The following SAMD9 variants were observed in gnomAD, a reference collection of about 807,000 sequenced individuals.
SAMD9 encodes sterile alpha motif domain containing 9.
SAMD9 carries 3 observed loss-of-function variants against 1.5 expected under a neutral mutation model. That is an observed-to-expected ratio of 2.05 (90% confidence interval 0.93 to 5.29). The LOEUF (loss-of-function observed/expected upper bound fraction) is 5.29, where lower values mean the gene tolerates loss of function less well. SAMD9 is among the 30% of genes most tolerant of loss of function. SAMD9 has a pLI of 0.02. For missense variants in SAMD9, 1,597 were observed against 1,820.8 expected, an observed-to-expected ratio of 0.88 and a Z score of 2.24; for synonymous variants, 635 against 631.9, an observed-to-expected ratio of 1.00 and a Z score of -0.07.
chr7:93,104,476 A>G lies in SAMD9; in HGVS notation c.1622T>C (p.Val541Ala), dbSNP rs1791595831. Residue 541 changes from valine to alanine, a missense_variant, in exon 3 of 3, where the codon GTG becomes GCG. Physicochemically the swap from Val to Ala is moderately conservative, Grantham distance 64. This residue lies in a region of SAMD9 where 358 missense variants were observed against 460.4 expected (regional missense o/e 0.78). Transcript: ENST00000379958. ...EDIMPRGKFL[V>A]VFLLLSSVDD... ...CACAGAGGACAGTAATAGAAATACC[A>G]CCAAAAACTTCCCTCTTGGCATTAT... The G allele has an allele frequency of 1.2e-6, 2 of 1,614,032 alleles. No individual in the cohort carries two copies. Among genetic ancestry groups the G allele is most frequent in the Non-Finnish European group, 1.7e-6 (2 of 1,179,904 alleles).
chr7:93,112,986 G>T (rs906188652), intron 2 of SAMD9, among the ~76,000 whole-genome samples: 1 of 152,118 alleles, frequency 6.6e-6, no homozygotes, highest in African/African-American at 2.4e-5. Flanking sequence ...AAAAGAGCCC[G>T]CGTTGCCAAG....
rs1562775991 is a variant in SAMD9 at position 93,105,251 on chromosome 7, ACTT to A, written c.844_846del (p.Lys282del). The A allele has an allele frequency of 1.9e-6, 3 of 1,613,902 alleles. No individual in the cohort carries two copies. Among genetic ancestry groups the A allele is most frequent in the Admixed American group, 1.7e-5 (1 of 59,982 alleles). The stretch of plus-strand genomic sequence containing the variant: ...TCCACAAATCTTGGCTCTCGAATGC[ACTT>A]CTTTGCTTGTTGGACTTGATGGTCT... On this transcript the variant is annotated inframe_deletion, in exon 3 of 3. Coordinates refer to ENST00000379958, the MANE Select transcript of SAMD9 (RefSeq NM_017654.4).
In SAMD9 at chr7:93,101,406, G is replaced by T. The variant is rs760895283; in HGVS notation, c.4692C>A (p.Gly1564=). The change falls in exon 3 of 3, where the codon GGC becomes GGA. Residue 1564 remains glycine, a synonymous_variant. Coordinates refer to ENST00000379958, the MANE Select transcript of SAMD9 (RefSeq NM_017654.4). ...TPAFLGQLRS[G]RSIEKVSFYL... ...AAAAAGACACCTTCTCTATGCTTCT[G>T]CCACTTCTAAGTTGACCTAAAAAAG... 1.1e-5 allele frequency: 17 copies of T among 1,613,592 alleles called. No individual in the cohort carries two copies. The highest frequency in any genetic ancestry group is 1.4e-5 in the Non-Finnish European group (16 of 1,179,718).
At chr7:93,113,906 C>G (rs1007506936) in intron 2 of SAMD9, among the ~76,000 whole-genome samples, 1 of 152,142 alleles carries the variant, frequency 6.6e-6, no homozygotes, top group Non-Finnish European at 1.5e-5. Flanking sequence ...CCTCAAGGAT[C>G]TAGAACTAGA....
intron 2 of SAMD9, among the ~76,000 whole-genome samples, chr7:93,111,958 A>T (rs1397382031): frequency 2.0e-5 from 3 of 152,244 alleles, no homozygotes; most frequent in Non-Finnish European, 4.4e-5. Context: ...AACTCATTTT[A>T]TGAGGCCAAC....
At position 93,105,107 on chromosome 7, in the gene SAMD9, T is replaced by A; in HGVS notation, c.991A>T (p.Lys331Ter). 1.2e-6 allele frequency: 2 copies of A among 1,613,922 alleles called. No homozygotes were observed. The highest frequency in any genetic ancestry group is 1.7e-6 in the Non-Finnish European group (2 of 1,179,916). The change falls in exon 3 of 3, where the codon AAA becomes TAA. Residue 331 changes from lysine to a stop codon, truncating the protein, a stop_gained. Coordinates refer to ENST00000379958, the MANE Select transcript of SAMD9 (RefSeq NM_017654.4). LOFTEE classifies it low-confidence loss of function (END_TRUNC). ...AATTTTTTACTTTGTTCCCATATTT[T>A]GTTGTTGTAATTTTGCATTTTAATC... The part of the protein sequence containing the change: ...FQIKMQNYNN[K>*]IWEQSKKFSL...
rs1242483265 is a variant in SAMD9, at chr7:93,100,012, T to C, written c.*1316A>G. 2 of 152,218 alleles carry C rather than the reference T, an allele frequency of 1.3e-5. No individual in the cohort carries two copies. The highest frequency in any genetic ancestry group is 3.8e-4 in the East Asian group (2 of 5,200). The allele number at this position is 152,218 out of a possible 1,614,324, so 9.4% of individuals were successfully genotyped here. On this transcript the variant is annotated 3_prime_UTR_variant, in exon 3 of 3. Coordinates refer to ENST00000379958, the MANE Select transcript of SAMD9 (RefSeq NM_017654.4). ...TTTCTGATTGCCTAATAATTGATTT[T>C]AGATTTTGCTCAAATTAGGATCTAA...
rs780992178 is a variant in SAMD9, at chr7:93,101,461, T to C, written c.4637A>G (p.Asn1546Ser). ...NNCLYIEYGINEKITIPITPA... is the reference protein window; with the variant it reads ...NNCLYIEYGISEKITIPITPA... ...AGTGATGGGTATTGTGATTTTTTCA[T>C]TGATTCCATATTCTATATATAAACA... The change falls in exon 3 of 3, where the codon AAT becomes AGT. Residue 1546 changes from asparagine (N) to serine (S), a missense_variant. By Grantham distance (46) the Asn-to-Ser change is conservative. Coordinates refer to ENST00000379958, the MANE Select transcript of SAMD9 (RefSeq NM_017654.4). The C allele has an allele frequency of 4.3e-6, 7 of 1,613,806 alleles. No individual in the cohort carries two copies. Among genetic ancestry groups the C allele is most frequent in the Non-Finnish European group, 5.9e-6 (7 of 1,179,730 alleles).
intron 2 of SAMD9, among the ~76,000 whole-genome samples, chr7:93,112,407 G>A (rs997292235): frequency 3.9e-5 from 6 of 152,198 alleles, no homozygotes; most frequent in Non-Finnish European, 5.9e-5. Flanking sequence ...AGACAGGGAT[G>A]CCCTTTCTCA....
chr7:93,104,676 G>T lies in SAMD9; in HGVS notation c.1422C>A (p.Thr474=). The change falls in exon 3 of 3, where the codon ACC becomes ACA. Residue 474 remains threonine, a synonymous_variant. Coordinates refer to ENST00000379958, the MANE Select transcript of SAMD9 (RefSeq NM_017654.4). The stretch of plus-strand genomic sequence containing the variant: ...GAGTAGAAATCGTCTCATTTGGTGT[G>T]GTTTTCTGTTCTACATATACACTTG... ...HFPSVYVEQK[T]TPNETISTLN... is the part of the protein sequence containing the mutation. The T allele has an allele frequency of 6.2e-7, 1 of 1,613,974 alleles. No individual in the cohort carries two copies. Among genetic ancestry groups the T allele is most frequent in the Non-Finnish European group, 8.5e-7 (1 of 1,179,922 alleles).
Position 93,103,527 on chromosome 7 carries a change from G to A in SAMD9, c.2571C>T (p.Leu857=). The A allele has an allele frequency of 2.5e-6, 4 of 1,613,718 alleles. No homozygotes were observed. The highest frequency in any genetic ancestry group is 2.5e-6 in the Non-Finnish European group (3 of 1,179,750). The change falls in exon 3 of 3, where the codon CTC becomes CTT. Residue 857 remains leucine, a synonymous_variant. Coordinates refer to ENST00000379958, the MANE Select transcript of SAMD9 (RefSeq NM_017654.4). ...CAAAAGCTCTCTGTTCTTTGGGAGA[G>A]AGTTGCTGTATTACGGCAATACTGT... ...IPDSIAVIQQ[L]SPKEQRAFEL... is the part of the protein sequence containing the mutation.
intron 2 of SAMD9, among the ~76,000 whole-genome samples, chr7:93,107,186 G>T (rs970956571): frequency 6.6e-6 from 1 of 151,894 alleles, no homozygotes; most frequent in Non-Finnish European, 1.5e-5. Context: ...GATTACAGGC[G>T]TGAGTCACCA....
In SAMD9 at chr7:93,104,707, T is replaced by G; in HGVS notation, c.1391A>C (p.His464Pro). Residue 464 changes from histidine to proline, a missense_variant, in exon 3 of 3, where the codon CAC (histidine) becomes CCC (proline). His to Pro is a moderately conservative substitution (Grantham distance 77). This residue lies in a region of SAMD9 where 358 missense variants were observed against 460.4 expected (regional missense o/e 0.78). Transcript: ENST00000379958. ...AYKESRVANL[H>P]FPSVYVEQKT... ...CTGTTCTACATATACACTTGGAAAGTGAAGGTTTGCTACTCGGCTTTCTTT... is the reference window on the plus strand; with the variant it reads ...CTGTTCTACATATACACTTGGAAAGGGAAGGTTTGCTACTCGGCTTTCTTT... 2 of 1,614,040 alleles carry G rather than the reference T, an allele frequency of 1.2e-6. No individual in the cohort carries two copies. Among genetic ancestry groups the G allele is most frequent in the Non-Finnish European group, 1.7e-6 (2 of 1,179,932 alleles).
rs1791600442 is a variant in SAMD9, at chr7:93,104,725, C to A, written c.1373G>T (p.Ser458Ile). 1 of 1,613,996 alleles carries A rather than the reference C, an allele frequency of 6.2e-7. No homozygotes were observed. The highest frequency in any genetic ancestry group is 1.3e-5 in the African/African-American group (1 of 75,054). The change falls in exon 3 of 3, where the codon AGC becomes ATC. Residue 458 changes from serine (S) to isoleucine (I), a missense_variant. Coordinates refer to ENST00000379958, the MANE Select transcript of SAMD9 (RefSeq NM_017654.4). ...TGGAAAGTGAAGGTTTGCTACTCGG[C>A]TTTCTTTGTAAGCTTTGACCACTCC... Reference protein sequence around the residue: ...INGVVKAYKESRVANLHFPSV... With the variant: ...INGVVKAYKEIRVANLHFPSV...
intron 2 of SAMD9, among the ~76,000 whole-genome samples, chr7:93,113,399 G>A (rs1192577545): frequency 6.6e-6 from 1 of 152,168 alleles, no homozygotes; most frequent in Non-Finnish European, 1.5e-5. Flanking sequence ...CATGGGCAAG[G>A]ACTTCATGAC....
intron 1 of SAMD9, 23 bp from the exon 2 acceptor site, chr7:93,114,918 T>G (rs1332460869): frequency 1.3e-5 from 2 of 152,336 alleles, no homozygotes; most frequent in East Asian, 3.9e-4. Flanking sequence ...AAAACTCATA[T>G]TTTTAAGTAA....
intron 2 of SAMD9, among the ~76,000 whole-genome samples, chr7:93,107,224 T>G (rs1327890257): frequency 1.3e-5 from 2 of 152,032 alleles, no homozygotes; most frequent in Non-Finnish European, 2.9e-5. Context: ...TTATTTTAAT[T>G]GATTTTTAAA....
rs747041511 is a variant in SAMD9, at chr7:93,105,224, C to T, written c.874G>A (p.Val292Ile). 1.9e-6 allele frequency: 3 copies of T among 1,613,920 alleles called. No homozygotes were observed. In the Admixed American group the frequency reaches 5.0e-5, roughly 27 times the overall value. Residue 292 changes from valine to isoleucine, a missense_variant, in exon 3 of 3, where the codon GTT (valine) becomes ATT (isoleucine). Val to Ile is a conservative substitution (Grantham distance 29). Around this residue, in one of 6 missense-constraint regions of SAMD9, gnomAD observed 498 missense variants for 457.4 expected, o/e 1.09. Coordinates refer to ENST00000379958, the MANE Select transcript of SAMD9 (RefSeq NM_017654.4). ...KCIREPRFVE[V>I]LLPNSTLSDR... is the part of the protein sequence containing the mutation. ...GATAGAGTACTATTTGGCAGTAAAA[C>T]TTCCACAAATCTTGGCTCTCGAATG...
chr7:93,104,656 G>T lies in SAMD9; in HGVS notation c.1442C>A (p.Ser481Tyr). The T allele has an allele frequency of 6.2e-7, 1 of 1,614,048 alleles. No homozygotes were observed. Among genetic ancestry groups the T allele is most frequent in the Non-Finnish European group, 8.5e-7 (1 of 1,179,942 alleles). ...EQKTTPNETISTLNLYHQPSW... is the reference protein window; with the variant it reads ...EQKTTPNETIYTLNLYHQPSW... ...GGGTTGATGGTAAAGATTTAGAGTA[G>T]AAATCGTCTCATTTGGTGTGGTTTT... Residue 481 changes from serine to tyrosine, a missense_variant, in exon 3 of 3, where the codon TCT (serine) becomes TAT (tyrosine). Transcript: ENST00000379958.
Sources: gnomAD v4.1 joint callset for allele counts (sites outside exome capture counted in the v4.1 genomes callset) on GRCh38, gnomAD v4.1.1 for gene constraint, gnomAD v4.1.1 regional missense constraint, MANE v1.5 for transcripts, NCBI Gene and HGNC (gene_info 2026-07-23, HGNC 2026-07-21) for gene names.